MAN1A1: variants seen among roughly 807,000 people sequenced by gnomAD.
MAN1A1 encodes mannosidase alpha class 1A member 1.
MAN1A1 carries 29 observed loss-of-function variants against 70.8 expected under a neutral mutation model. The observed-to-expected ratio is 0.41, with a 90% CI of 0.31 to 0.56. The LOEUF is 0.56. MAN1A1 is among the 20% of genes least tolerant of loss of function. MAN1A1 has a pLI of 0.29. For missense variants in MAN1A1, 747 were observed against 841.3 expected (o/e 0.89, Z 1.39); for synonymous variants, 349 against 330.1 (o/e 1.06, Z -0.62).
At position 119,349,035 on chromosome 6, in the gene MAN1A1, T is replaced by C; in HGVS notation, c.31A>G (p.Ser11Gly). 2 of 1,339,698 alleles carry C rather than the reference T, an allele frequency of 1.5e-6. No homozygotes were observed. The highest frequency in any genetic ancestry group is 1.5e-5 in the African/African-American group (1 of 66,044). The allele number at this position is 1,339,698 out of a possible 1,614,324, so 83.0% of individuals were successfully genotyped here. MPVGGLLPLF[S>G]SPAGGVLGGG... ...CCCAGGACGCCGCCCGCGGGGCTGC[T>C]GAAGAGCGGCAACAGGCCCCCCACG... Residue 11 changes from serine (S) to glycine (G), a missense_variant, in exon 2 of 13, where the codon AGC becomes GGC. Physicochemically the swap from Ser to Gly is moderately conservative, Grantham distance 56. Coordinates refer to ENST00000368468, the MANE Select transcript of MAN1A1 (RefSeq NM_005907.4).
intron 5 of MAN1A1, among the ~76,000 whole-genome samples, chr6:119,279,062 C>T (rs1776158057): frequency 6.6e-6 from 1 of 152,118 alleles, no homozygotes; most frequent in Non-Finnish European, 1.5e-5. Context: ...CAAAATCCCC[C>T]CTCAACCATT....
At chr6:119,349,351 C>A in intron 1 of MAN1A1, 64 bp from the exon 2 acceptor site, 1 of 1,089,102 alleles carries the variant, frequency 9.2e-7, no homozygotes, top group Non-Finnish European at 1.1e-6. Context: ...AGCGGGTCTC[C>A]GCCCTCCGAC....
At chr6:119,194,545 A>G (rs903614657) in intron 8 of MAN1A1, among the ~76,000 whole-genome samples, 13 of 152,118 alleles carry the variant, frequency 8.5e-5, no homozygotes, top group Non-Finnish European at 1.9e-4. Flanking sequence ...GCTGATATAC[A>G]ACTCCTGGCC....
chr6:119,204,966 C>A (rs1435646447), intron 6 of MAN1A1, 84 bp from the exon 7 acceptor site: 3 of 1,463,356 alleles, frequency 2.1e-6, no homozygotes, highest in Non-Finnish European at 1.8e-6. Flanking sequence ...AAATAGACAG[C>A]TTTTAAAAAA....
At chr6:119,275,133 CAG>C (rs1403814468) in intron 5 of MAN1A1, among the ~76,000 whole-genome samples, 12 of 151,436 alleles carry the variant, frequency 7.9e-5, no homozygotes, top group Non-Finnish European at 1.6e-4. Context: ...TTTTTTGAGA[CAG>C]AGTCTCACCC....
chr6:119,236,707 CAAAA>C (rs34748730), intron 6 of MAN1A1, among the ~76,000 whole-genome samples: 23 of 96,572 alleles, frequency 2.4e-4, no homozygotes, highest in Non-Finnish European at 2.6e-4. Flanking sequence ...GACTTTGTCT[CAAAA>C]AAAAAAAAAA....
intron 8 of MAN1A1, among the ~76,000 whole-genome samples, chr6:119,196,476 G>A (rs1773572904): frequency 6.6e-6 from 1 of 152,064 alleles, no homozygotes; most frequent in African/African-American, 2.4e-5. Context: ...GGGAGAGCAG[G>A]CCCGAATTTA....
chr6:119,336,286 T>C (rs1484652104), intron 2 of MAN1A1, among the ~76,000 whole-genome samples: 1 of 152,176 alleles, frequency 6.6e-6, no homozygotes, highest in Non-Finnish European at 1.5e-5. Flanking sequence ...GCCAGGCTGG[T>C]CTTGAATTCC....
intron 6 of MAN1A1, among the ~76,000 whole-genome samples, chr6:119,215,108 G>A (rs1055221838): frequency 3.3e-5 from 5 of 151,708 alleles, no homozygotes; most frequent in African/African-American, 1.2e-4. Flanking sequence ...TAAATGACGA[G>A]TTAATGGGTG....
At chr6:119,182,062 T>A (rs1436142452) in intron 11 of MAN1A1, among the ~76,000 whole-genome samples, 1 of 152,226 alleles carries the variant, frequency 6.6e-6, no homozygotes, top group Non-Finnish European at 1.5e-5. Context: ...GAATTTTTGA[T>A]AATAGCCATT....
rs1319637939 is a variant in MAN1A1, at chr6:119,204,799, T to TGC, written c.1074_1075dup (p.His359ArgfsTer3). 1 of 1,613,908 alleles carries TGC rather than the reference T, an allele frequency of 6.2e-7. No individual in the cohort carries two copies. Among genetic ancestry groups the TGC allele is most frequent in the Non-Finnish European group, 8.5e-7 (1 of 1,179,916 alleles). On this transcript the variant is annotated frameshift_variant, in exon 7 of 13. Transcript: ENST00000368468. LOFTEE classifies it high-confidence loss of function. ...GGGGTTTCCTGATAAGTGGCTCAAG[T>TGC]GCATAAACTCCAAATGCAGGGTTCC... is the stretch of plus-strand genomic sequence containing the variant.
intron 5 of MAN1A1, among the ~76,000 whole-genome samples, chr6:119,271,277 T>G (rs977567456): frequency 1.3e-5 from 2 of 152,142 alleles, no homozygotes; most frequent in Non-Finnish European, 2.9e-5. Flanking sequence ...AAAATGGATT[T>G]AAAGGAATGC....
chr6:119,220,869 C>A (rs1774340595), intron 6 of MAN1A1, among the ~76,000 whole-genome samples: 1 of 151,872 alleles, frequency 6.6e-6, no homozygotes, highest in African/African-American at 2.4e-5. Context: ...GAGATATCAC[C>A]AATCTATATT....
intron 8 of MAN1A1, among the ~76,000 whole-genome samples, chr6:119,199,299 A>G (rs1050129229): frequency 6.6e-6 from 1 of 152,236 alleles, no homozygotes; most frequent in Non-Finnish European, 1.5e-5. Context: ...TTTCAAGAAC[A>G]TGGCTCCTGA....
chr6:119,261,835 C>G (rs539918714), intron 5 of MAN1A1, among the ~76,000 whole-genome samples: 8 of 152,124 alleles, frequency 5.3e-5, no homozygotes, highest in Non-Finnish European at 7.3e-5. Flanking sequence ...GGTTATTGTT[C>G]AGACAAGAAT....
chr6:119,203,176 T>C (rs758164372), intron 7 of MAN1A1, among the ~76,000 whole-genome samples: 1 of 152,220 alleles, frequency 6.6e-6, no homozygotes, highest in African/African-American at 2.4e-5. Flanking sequence ...TGTTTCTGGC[T>C]GCATTTTTGT....
rs117974327 is a variant in MAN1A1, at chr6:119,336,364, G to A, written c.603+12099C>T. On this transcript the variant is annotated intron_variant, in intron 2 of 12. Transcript: ENST00000368468. ...ATTACAGGTGTGAGCCACTGCGCCC[G>A]GCACCAGCAATCTGTTTTAACATGC... Among the ~76,000 whole-genome samples, 487 of 152,260 alleles carry A rather than the reference G, an allele frequency of 3.2e-3. 12 individuals carry two copies. In the East Asian group the frequency reaches 0.056, roughly 18 times the overall value.
chr6:119,350,039 G>T (rs1238544006), upstream of MAN1A1, among the ~76,000 whole-genome samples: 1 of 152,208 alleles, frequency 6.6e-6, no homozygotes, highest in East Asian at 1.9e-4. Context: ...CCGAGAAGCG[G>T]CAGGCAGAGT....
At chr6:119,329,640 G>A (rs1304361757) in intron 2 of MAN1A1, among the ~76,000 whole-genome samples, 1 of 152,174 alleles carries the variant, frequency 6.6e-6, no homozygotes, top group African/African-American at 2.4e-5. Context: ...TCAAACGAGT[G>A]AGCAGAGGGG....
Sources: allele counts gnomAD v4.1 joint callset (sites outside exome capture counted in the v4.1 genomes callset), GRCh38; gene constraint gnomAD v4.1.1; transcripts MANE v1.5; gene names NCBI Gene and HGNC (gene_info 2026-07-23, HGNC 2026-07-21).